DNAH14: variants seen among roughly 807,000 people sequenced by gnomAD.
The protein encoded by DNAH14 is dynein axonemal heavy chain 14.
DNAH14 carries 478 observed loss-of-function variants against 520.9 expected under a neutral mutation model. That is an observed-to-expected ratio of 0.92 (90% confidence interval 0.85 to 0.99). The LOEUF (loss-of-function observed/expected upper bound fraction) is 0.99, where lower values mean the gene tolerates loss of function less well. DNAH14 is among the 50% of genes least tolerant of loss of function. The probability of loss-of-function intolerance (pLI) is 0.00; values close to 1 mark genes in which losing one functional copy is unlikely to be tolerated. For missense variants in DNAH14, 4,831 were observed against 5,234.5 expected (o/e 0.92, Z 2.38); for synonymous variants, 1,581 against 1,757.2 (o/e 0.90, Z 2.51).
intron 28 of DNAH14, among the ~76,000 whole-genome samples, chr1:225,142,747 G>A (rs2079568488): frequency 6.6e-6 from 1 of 152,080 alleles, no homozygotes; most frequent in African/African-American, 2.4e-5. Flanking sequence ...GGCCAACATG[G>A]TGAAAACCCA....
intron 81 of DNAH14, among the ~76,000 whole-genome samples, chr1:225,387,803 C>A (rs1401394439): frequency 1.3e-5 from 2 of 152,082 alleles, no homozygotes; most frequent in Non-Finnish European, 2.9e-5. Flanking sequence ...GAGAAAGGGG[C>A]TAGAGGGCTG....
At position 225,097,161 on chromosome 1, in the gene DNAH14, A is replaced by G; in HGVS notation, c.3617A>G (p.Tyr1206Cys). The part of the protein sequence containing the change: ...EWDQNLTLFS[Y>C]TLEEWMNCQR... ...GATCAAAACTTGACTCTCTTCTCTT[A>G]CACCCTTGAGGAATGGATGAATTGT... Residue 1206 changes from tyrosine to cysteine, a missense_variant, in exon 22 of 86, where the codon TAC becomes TGC. Coordinates refer to ENST00000682510, the MANE Select transcript of DNAH14 (RefSeq NM_001367479.1). 1 of 1,550,446 alleles carries G rather than the reference A, an allele frequency of 6.4e-7. No individual in the cohort carries two copies. The highest frequency in any genetic ancestry group is 8.7e-7 in the Non-Finnish European group (1 of 1,146,310).
Position 225,346,103 on chromosome 1 carries a change from C to G in DNAH14, c.10820C>G (p.Ala3607Gly). The G allele has an allele frequency of 6.4e-7, 1 of 1,551,684 alleles. No homozygotes were observed. Among genetic ancestry groups the G allele is most frequent in the Middle Eastern group, 1.7e-4 (1 of 5,992 alleles). ...ATACGTAAAAACTATCTCCCCATTG[C>G]GACCCGAGGCGCCCTGCTCTACTTC... ...QAIRKNYLPI[A>G]TRGALLYFLV... Residue 3607 changes from alanine (A) to glycine (G), a missense_variant, in exon 70 of 86, where the codon GCG becomes GGG. Transcript: ENST00000682510.
At chr1:225,023,535 TAAAA>T in intron 10 of DNAH14, 76 bp from the exon 11 acceptor site, 7 of 1,182,464 alleles carry the variant, frequency 5.9e-6, no homozygotes, top group Non-Finnish European at 8.0e-6. Context: ...TTGAAGTTGA[TAAAA>T]AAAACTAAAC....
chr1:224,999,727 CTT>C (rs2063624954), intron 8 of DNAH14, among the ~76,000 whole-genome samples: 3 of 151,666 alleles, frequency 2.0e-5, no homozygotes, highest in Admixed American at 6.6e-5. Context: ...CAATATGTCT[CTT>C]TGTGTAGCTT....
At chr1:225,359,328 T>C (rs937013021) in intron 74 of DNAH14, among the ~76,000 whole-genome samples, 1 of 152,196 alleles carries the variant, frequency 6.6e-6, no homozygotes, top group African/African-American at 2.4e-5. Context: ...GACTCGCCCT[T>C]ATGTCTATGT....
In DNAH14 at chr1:225,085,961, G is replaced by A. The variant is rs535379687; in HGVS notation, c.3573+172G>A. 3.3e-5 allele frequency among the ~76,000 whole-genome samples: 5 copies of A among 151,878 alleles called. No individual in the cohort carries two copies. The East Asian group carries it at 9.6e-4, about 29-fold the overall frequency. On this transcript the variant is annotated intron_variant, in intron 21 of 85. Transcript: ENST00000682510. The stretch of plus-strand genomic sequence containing the variant: ...ATACCAAAAATAACTTTTTGTAGAA[G>A]CCTTAATTGTTCATGAGAAAATGTC...
At chr1:225,002,987 A>G in intron 9 of DNAH14, 60 bp downstream of exon 9, 1 of 1,315,408 alleles carries the variant, frequency 7.6e-7, no homozygotes. Context: ...GAAGAAAAAT[A>G]GCATTTTGAA....
rs139079665 is a variant in DNAH14 at position 225,232,280 on chromosome 1, TACACACAC to T, written c.6518+1142_6518+1149del. Among the ~76,000 whole-genome samples the T allele has an allele frequency of 2.7e-5, 4 of 149,482 alleles. No homozygotes were observed. The highest frequency in any genetic ancestry group is 7.4e-5 in the African/African-American group (3 of 40,666). ...ATATATAAACTGTGATATATATATA[TACACACAC>T]ACACACACACACGTGTATCACAGGT... On this transcript the variant is annotated intron_variant, in intron 42 of 85. Coordinates refer to ENST00000682510, the MANE Select transcript of DNAH14 (RefSeq NM_001367479.1). This position sits in a 1 kb window ranked among gnomAD's most constrained non-coding sequence, Gnocchi z 4.2.
intron 75 of DNAH14, among the ~76,000 whole-genome samples, chr1:225,364,000 G>C (rs548053544): frequency 6.6e-6 from 1 of 152,228 alleles, no homozygotes; most frequent in African/African-American, 2.4e-5. Flanking sequence ...GGATATAGAG[G>C]GCTGACTGTA....
intron 33 of DNAH14, among the ~76,000 whole-genome samples, chr1:225,153,138 G>A (rs767615109): frequency 6.6e-6 from 1 of 152,254 alleles, no homozygotes; most frequent in Non-Finnish European, 1.5e-5. Flanking sequence ...TTGAGCATTC[G>A]TTATTTTAAA....
In DNAH14 at chr1:225,152,764, C is replaced by A. The variant is rs2080626503; in HGVS notation, c.5077C>A (p.Pro1693Thr). ...SLFRPVAMMV[P>T]HYQMIAEIIL... The stretch of plus-strand genomic sequence containing the variant: ...GTTTCGCCCAGTGGCAATGATGGTG[C>A]CCCATTATCAAATGATTGCTGAAAT... Residue 1693 changes from proline (P) to threonine (T), a missense_variant, in exon 33 of 86, where the codon CCC becomes ACC. By Grantham distance (38) the Pro-to-Thr change is conservative (BLOSUM62 -1). Coordinates refer to ENST00000682510, the MANE Select transcript of DNAH14 (RefSeq NM_001367479.1). 2 of 1,551,178 alleles carry A rather than the reference C, an allele frequency of 1.3e-6. No individual in the cohort carries two copies. The highest frequency in any genetic ancestry group is 2.7e-5 in the African/African-American group (2 of 72,988).
intron 55 of DNAH14, among the ~76,000 whole-genome samples, chr1:225,295,260 T>A (rs2093982969): frequency 6.6e-6 from 1 of 152,194 alleles, no homozygotes. Flanking sequence ...TTTATTTTGC[T>A]GTGATTTTTA....
intron 42 of DNAH14, among the ~76,000 whole-genome samples, chr1:225,239,930 G>A (rs1451327091): frequency 6.6e-6 from 1 of 152,058 alleles, no homozygotes; most frequent in African/African-American, 2.4e-5. Flanking sequence ...TTTAAATCAG[G>A]CTCAAATCTC....
rs1586037 is a variant in DNAH14, at chr1:224,997,351, G to C, written c.831-5432G>C. On this transcript the variant is annotated intron_variant, in intron 8 of 85. Transcript: ENST00000682510. ...GTGGGCCCTGGGAAATTTTTTCTTT[G>C]TTGAACTGAGCCATCTTGGGGAAAG... Among the ~76,000 whole-genome samples the C allele has an allele frequency of 5.0e-3, 763 of 152,126 alleles. 6 individuals carry two copies. Among genetic ancestry groups the C allele is most frequent in the African/African-American group, 0.017 (720 of 41,480 alleles).
chr1:225,160,817 G>A (rs570053346), intron 35 of DNAH14, among the ~76,000 whole-genome samples: 108 of 152,124 alleles, frequency 7.1e-4, no homozygotes, highest in African/African-American at 2.3e-3. Context: ...CAAAAAACTA[G>A]CCTTCTTTCT....
chr1:225,031,232 T>C (rs2066499351), intron 11 of DNAH14, among the ~76,000 whole-genome samples: 1 of 152,118 alleles, frequency 6.6e-6, no homozygotes, highest in African/African-American at 2.4e-5. Flanking sequence ...GTAACCTTAC[T>C]AAGCTCACTT....
Position 225,007,510 on chromosome 1 carries a change from A to G in DNAH14, c.1073A>G (p.Lys358Arg). 4.6e-6 allele frequency: 7 copies of G among 1,537,952 alleles called. No individual in the cohort carries two copies. The highest frequency in any genetic ancestry group is 6.1e-6 in the Non-Finnish European group (7 of 1,139,318). Residue 358 changes from lysine (K) to arginine (R), a missense_variant, in exon 10 of 86, where the codon AAA (lysine) becomes AGA (arginine). Transcript: ENST00000682510. ...ALKQLEDIRN[K>R]AISEMKSTFL... ...AAACAACTTGAGGACATCAGGAATA[A>G]AGCAATTTCAGAGATGAAAAGTACT...
rs549032124 is a variant in DNAH14, at chr1:225,324,605, C to T, written c.9628-132C>T. ...CACCATAATAGGCAACTTTGTACCC[C>T]ACATATACATATAGTTCTAGGAAAG... On this transcript the variant is annotated intron_variant, in intron 63 of 85. Transcript: ENST00000682510. The T allele has an allele frequency of 9.9e-5, 93 of 934,986 alleles. No homozygotes were observed. In the African/African-American group the frequency reaches 1.3e-3, roughly 13 times the overall value. 57.9% of individuals were successfully genotyped at this position (934,986 alleles called of 1,614,324 possible). A position where few individuals can be genotyped will look rare whatever the true frequency, so the allele number is the denominator to read the frequency against.
Sources: gnomAD v4.1 joint callset for allele counts (sites outside exome capture counted in the v4.1 genomes callset) on GRCh38, gnomAD v4.1.1 for gene constraint, Gnocchi (gnomAD v3.1) non-coding constraint, MANE v1.5 for transcripts, NCBI Gene and HGNC (gene_info 2026-07-23, HGNC 2026-07-21) for gene names.